MADD: variants seen among roughly 807,000 people sequenced by gnomAD.
MADD encodes the protein MAP kinase-activating death domain protein.
A neutral mutation model predicts 176.7 loss-of-function variants in MADD; 109 were observed. The ratio of observed to expected loss-of-function variants is 0.62; its 90% CI spans 0.53 to 0.72. MADD has a LOEUF of 0.72. Ranked by LOEUF, MADD falls within the 30% of genes least tolerant of loss-of-function variation. The probability of loss-of-function intolerance (pLI) is 0.00; values close to 1 mark genes in which losing one functional copy is unlikely to be tolerated. For missense variants in MADD, 1,914 were observed against 2,045.5 expected (o/e 0.94, Z 1.24); for synonymous variants, 771 against 771.3 (o/e 1.00, Z 0.01).
At chr11:47,327,764 G>A in intron 31 of MADD, 1 of 985,386 alleles carries the variant, frequency 1.0e-6, no homozygotes, top group Non-Finnish European at 1.2e-6. Context: ...TACCTCCCAG[G>A]GTCAGAAGAA....
chr11:47,269,720 C>A (rs965127450), upstream of MADD: 3 of 151,968 alleles, frequency 2.0e-5, no homozygotes, highest in African/African-American at 7.2e-5. Context: ...AGCCGGCTTC[C>A]CTGCTCGGAC....
At chr11:47,314,916 T>TATTA (rs2092255887) in intron 26 of MADD, among the ~76,000 whole-genome samples, 1 of 596 alleles carries the variant, frequency 1.7e-3, no homozygotes, top group South Asian at 0.025. Flanking sequence ...TAATGGGTTA[T>TATTA]ATTAATCATT....
chr11:47,281,109 G>A (rs1380743370), intron 7 of MADD, among the ~76,000 whole-genome samples: 2 of 152,166 alleles, frequency 1.3e-5, no homozygotes, highest in Non-Finnish European at 2.9e-5. Context: ...TGGTCTTCAC[G>A]CTGCCCCATT....
rs2064379203 is a variant in MADD at position 47,290,651 on chromosome 11, AC to A, written c.3140del (p.Pro1047GlnfsTer8). 1.2e-6 allele frequency: 2 copies of A among 1,613,856 alleles called. No individual in the cohort carries two copies. The highest frequency in any genetic ancestry group is 1.7e-6 in the Non-Finnish European group (2 of 1,179,952). ...GAGAAGTCCAACAGAAAGTGTAAAT[AC>A]CCCAGTTGGCAAGGATCCTGGCCTA... On this transcript the variant is annotated frameshift_variant, in exon 19 of 33. Transcript: ENST00000402192. LOFTEE classifies it high-confidence loss of function.
At chr11:47,323,601 C>T in intron 27 of MADD, 70 bp from the exon 31 acceptor site, 2 of 1,537,636 alleles carry the variant, frequency 1.3e-6, no homozygotes, top group East Asian at 2.3e-5. Context: ...CCACCTTTCC[C>T]TGTAGGAAAC....
chr11:47,325,466 A>G lies in MADD; in HGVS notation c.4542+889A>G, dbSNP rs1011102037. 6.6e-6 allele frequency among the ~76,000 whole-genome samples: 1 copy of G among 152,134 alleles called. No individual in the cohort carries two copies. Among genetic ancestry groups the G allele is most frequent in the Non-Finnish European group, 1.5e-5 (1 of 68,008 alleles). ...GACCCTGGCCAGGCCGCAGACCCTC[A>G]GGGGAGGTGGATGCCTGACTGACGT... On this transcript the variant is annotated intron_variant, in intron 30 of 32. Transcript: ENST00000402192. This position sits in a 1 kb window ranked among gnomAD's most constrained non-coding sequence, Gnocchi z 4.5.
In MADD at chr11:47,285,064, G is replaced by GCA. The variant is rs2059640498; in HGVS notation, c.2281_2282insCA (p.Gly761AlafsTer55). 6.2e-7 allele frequency: 1 copy of GCA among 1,614,030 alleles called. No individual in the cohort carries two copies. Among genetic ancestry groups the GCA allele is most frequent in the Non-Finnish European group, 8.5e-7 (1 of 1,180,050 alleles). On this transcript the variant is annotated frameshift_variant, in exon 13 of 33. Coordinates refer to ENST00000402192, the Ensembl canonical transcript of MADD. LOFTEE classifies it high-confidence loss of function. ...CAGACGTCAGGCAGAAATTGGAGAG[G>GCA]GGTCAGTGCGCCGGCGAATCTATGA...
chr11:47,316,348 T>C (rs1594939274), intron 27 of MADD, among the ~76,000 whole-genome samples: 1 of 151,918 alleles, frequency 6.6e-6, no homozygotes, highest in Middle Eastern at 3.4e-3. Context: ...TTTATTGGTT[T>C]CCTTTGTAAA....
chr11:47,305,797 C>A (rs190219769), intron 22 of MADD, among the ~76,000 whole-genome samples: 1 of 152,276 alleles, frequency 6.6e-6, no homozygotes, highest in Non-Finnish European at 1.5e-5. Context: ...AAGCAGGGTA[C>A]TGGAGTTGTT....
intron 22 of MADD, among the ~76,000 whole-genome samples, chr11:47,298,645 A>T (rs2075112271): frequency 6.6e-6 from 1 of 152,110 alleles, no homozygotes; most frequent in Non-Finnish European, 1.5e-5. Flanking sequence ...CTCTTCACTC[A>T]TTTCATCGTG....
At chr11:47,296,275 T>G (rs529511128) in intron 22 of MADD, among the ~76,000 whole-genome samples, 1 of 152,322 alleles carries the variant, frequency 6.6e-6, no homozygotes, top group East Asian at 1.9e-4. Flanking sequence ...GAATCATTGA[T>G]GAGTTAGGCT....
At chr11:47,287,127 C>T (rs1392233227) in intron 15 of MADD, among the ~76,000 whole-genome samples, 1 of 152,192 alleles carries the variant, frequency 6.6e-6, no homozygotes, top group African/African-American at 2.4e-5. Flanking sequence ...AGTTCGAGAC[C>T]AGACTGACCA....
chr11:47,276,167 C>T (rs775926310), exon 4 of MADD: 1 of 1,613,588 alleles, frequency 6.2e-7, no homozygotes, highest in Non-Finnish European at 8.5e-7. Flanking sequence ...GGACGCCTGT[C>T]TCCAGGTGCT....
intron 28 of MADD, 100 bp downstream of exon 31, chr11:47,323,935 C>A: frequency 2.3e-6 from 3 of 1,306,976 alleles, no homozygotes; most frequent in Non-Finnish European, 3.2e-6. Context: ...ACATCTGGAG[C>A]CACACTTCTG....
At chr11:47,316,469 A>G (rs769857076) in intron 27 of MADD, among the ~76,000 whole-genome samples, 4 of 147,196 alleles carry the variant, frequency 2.7e-5, no homozygotes, top group African/African-American at 7.5e-5. Flanking sequence ...GCTCACTGCA[A>G]CCTCCACCTC....
At chr11:47,313,038 C>A (rs1318057414) in intron 26 of MADD, among the ~76,000 whole-genome samples, 1 of 152,202 alleles carries the variant, frequency 6.6e-6, no homozygotes, top group Admixed American at 6.5e-5. Flanking sequence ...GAGTACCCAA[C>A]TGGCAGACAT....
At chr11:47,274,119 A>C in intron 2 of MADD, 143 bp downstream of exon 2, 1 of 763,230 alleles carries the variant, frequency 1.3e-6, no homozygotes, top group South Asian at 1.8e-5. Context: ...CGAAGCCAGT[A>C]GGGAAAAAAC....
At chr11:47,279,168 T>A in intron 7 of MADD, 89 bp downstream of exon 7, 1 of 1,271,782 alleles carries the variant, frequency 7.9e-7, no homozygotes, top group Non-Finnish European at 1.1e-6. Flanking sequence ...CAATTTCCTA[T>A]CAAACTTCAA....
exon 14 of MADD, chr11:47,285,465 T>C (rs970260144): frequency 2.7e-5 from 44 of 1,614,058 alleles, no homozygotes; most frequent in Non-Finnish European, 3.7e-5. Flanking sequence ...CAAAAGCTGC[T>C]GCGGCCCAAC....
Sources: gnomAD v4.1 joint callset for allele counts (sites outside exome capture counted in the v4.1 genomes callset) on GRCh38, gnomAD v4.1.1 for gene constraint, Gnocchi (gnomAD v3.1) non-coding constraint, MANE v1.5 for transcripts, NCBI Gene and HGNC (gene_info 2026-07-23, HGNC 2026-07-21) for gene names.